The following TLL2 variants were observed in gnomAD, a reference collection of about 807,000 sequenced individuals.
TLL2 encodes the protein tolloid-like protein 2.
Under a neutral mutation model 123.0 loss-of-function variants are expected in TLL2, and 106 were observed. That is an observed-to-expected ratio of 0.86 (90% CI 0.74 to 1.01). The LOEUF (loss-of-function observed/expected upper bound fraction) is 1.01, where lower values mean the gene tolerates loss of function less well. Ranked by LOEUF, TLL2 falls within the 50% of genes least tolerant of loss-of-function variation. The pLI is 0.00. For missense variants in TLL2, 1,332 were observed against 1,336.7 expected, an observed-to-expected ratio of 1.00 and a Z score of 0.06; for synonymous variants, 494 against 516.8, an observed-to-expected ratio of 0.96 and a Z score of 0.60.
intron 7 of TLL2, among the ~76,000 whole-genome samples, chr10:96,413,679 T>C (rs955686147): frequency 2.0e-5 from 3 of 151,974 alleles, no homozygotes; most frequent in Non-Finnish European, 2.9e-5. Context: ...CAGCTGTGCA[T>C]TGGGAAGTAC....
At chr10:96,371,727 G>A (rs1481104964) in intron 19 of TLL2, among the ~76,000 whole-genome samples, 1 of 151,550 alleles carries the variant, frequency 6.6e-6, no homozygotes, top group Admixed American at 6.6e-5. Flanking sequence ...CCTGGGCCCC[G>A]TGAGACAGAC....
At chr10:96,472,303 C>T (rs1564914031) in intron 2 of TLL2, among the ~76,000 whole-genome samples, 1 of 152,150 alleles carries the variant, frequency 6.6e-6, no homozygotes, top group Non-Finnish European at 1.5e-5. Context: ...TCATAGGGAG[C>T]CCCCCACTGA....
chr10:96,457,781 C>T (rs1299427509), intron 2 of TLL2, among the ~76,000 whole-genome samples: 1 of 152,130 alleles, frequency 6.6e-6, no homozygotes, highest in East Asian at 1.9e-4. Context: ...CACAGCGGGA[C>T]ACCAGTTAAA....
At chr10:96,448,506 T>C (rs542376573) in intron 2 of TLL2, among the ~76,000 whole-genome samples, 2 of 152,178 alleles carry the variant, frequency 1.3e-5, no homozygotes, top group African/African-American at 4.8e-5. Context: ...AATGGGTTTG[T>C]TTGGGCATTC....
Position 96,476,240 on chromosome 10 carries a change from A to ATATATATATATATATATTTTTTTTT in TLL2, c.286+4108_286+4109insAAAAAAAAATATATATATATATATA. Among the ~76,000 whole-genome samples, 8 of 20,472 alleles carry ATATATATATATATATATTTTTTTTT rather than the reference A, an allele frequency of 3.9e-4. 1 individual carries two copies. Among genetic ancestry groups the ATATATATATATATATATTTTTTTTT allele is most frequent in the Non-Finnish European group, 5.0e-4 (5 of 10,010 alleles). 13.4% of individuals were successfully genotyped at this position (20,472 alleles called of 152,430 possible). A position where few individuals can be genotyped will look rare whatever the true frequency, so the allele number is the denominator to read the frequency against. ...TTTATATGTATATATATATATATAT[A>ATATATATATATATATATTTTTTTTT]TTTTATTTTTGTTGTTGTTGTTGTT... On this transcript the variant is annotated intron_variant, in intron 2 of 20. Coordinates refer to ENST00000357947, the MANE Select transcript of TLL2 (RefSeq NM_012465.4).
At chr10:96,441,780 G>A (rs1198801851) in intron 3 of TLL2, among the ~76,000 whole-genome samples, 1 of 152,146 alleles carries the variant, frequency 6.6e-6, no homozygotes, top group East Asian at 1.9e-4. Context: ...ATTTGAGACA[G>A]GCTAAAAAGG....
At chr10:96,465,667 C>A (rs1047580109) in intron 2 of TLL2, among the ~76,000 whole-genome samples, 1 of 152,138 alleles carries the variant, frequency 6.6e-6, no homozygotes, top group Admixed American at 6.5e-5. Context: ...GAATTAGGAC[C>A]CAAGGTGGTG....
intron 10 of TLL2, among the ~76,000 whole-genome samples, chr10:96,399,696 G>A (rs1846375454): frequency 6.6e-6 from 1 of 152,228 alleles, no homozygotes; most frequent in African/African-American, 2.4e-5. Flanking sequence ...TTACCAATGA[G>A]GACACGGAGC....
Position 96,368,106 on chromosome 10 carries a change from G to A in TLL2, c.3030C>T (p.Ala1010=). Reference sequence around the variant, plus strand: ...ATCAGCACTATTTCTTCATGTGCAGGGCATCCTGGAACTTGGTGCTGGTGT... The same window carrying A: ...ATCAGCACTATTTCTTCATGTGCAGAGCATCCTGGAACTTGGTGCTGGTGT... ...ARYTSTKFQD[A]LHMKK The change falls in exon 21 of 21, where the codon GCC becomes GCT. Residue 1010 remains alanine, a synonymous_variant. Transcript: ENST00000357947. The A allele has an allele frequency of 6.2e-7, 1 of 1,614,172 alleles. No homozygotes were observed. Among genetic ancestry groups the A allele is most frequent in the Non-Finnish European group, 8.5e-7 (1 of 1,180,026 alleles).
At chr10:96,433,728 T>G (rs1846767057) in intron 3 of TLL2, among the ~76,000 whole-genome samples, 1 of 152,026 alleles carries the variant, frequency 6.6e-6, no homozygotes, top group African/African-American at 2.4e-5. Context: ...GTTTTTATAC[T>G]TTTTCCCCTA....
At chr10:96,513,051 G>A (rs1847647234) in intron 1 of TLL2, among the ~76,000 whole-genome samples, 1 of 152,236 alleles carries the variant, frequency 6.6e-6, no homozygotes, top group Admixed American at 6.5e-5. Context: ...TCTCCCAAGA[G>A]TAACCACAGA....
intron 9 of TLL2, among the ~76,000 whole-genome samples, chr10:96,405,998 A>G (rs1846446041): frequency 2.0e-5 from 3 of 152,202 alleles, no homozygotes; most frequent in Non-Finnish European, 4.4e-5. Flanking sequence ...TGAGAACACT[A>G]TGGTATAAAC....
intron 2 of TLL2, among the ~76,000 whole-genome samples, chr10:96,448,773 G>A (rs963198748): frequency 6.6e-6 from 1 of 152,056 alleles, no homozygotes; most frequent in African/African-American, 2.4e-5. Flanking sequence ...GCTTGGCCGG[G>A]GGGAGGTGGG....
intron 13 of TLL2, among the ~76,000 whole-genome samples, chr10:96,387,940 A>T (rs1374244083): frequency 6.6e-6 from 1 of 152,190 alleles, no homozygotes; most frequent in African/African-American, 2.4e-5. Flanking sequence ...CCTGAAAGAG[A>T]GCATGTGGGA....
rs1846760073 is a variant in TLL2 at position 96,432,961 on chromosome 10, A to G, written c.366T>C (p.Asp122=). 2 of 1,612,728 alleles carry G rather than the reference A, an allele frequency of 1.2e-6. No individual in the cohort carries two copies. The highest frequency in any genetic ancestry group is 2.2e-5 in the South Asian group (2 of 90,882). ...GCAGGAGTGTGGTATTCTCCCGGCC[A>G]TCTGCAACACAGTCAGGTTAATATT... ...MDTGTKEAGK[D]GRENTTLLHS... The change falls in exon 4 of 21, where the codon GAT becomes GAC. Residue 122 remains aspartate (D), a splice_region_variant and synonymous_variant. Coordinates refer to ENST00000357947, the MANE Select transcript of TLL2 (RefSeq NM_012465.4).
At chr10:96,490,115 T>C (rs111492077) in intron 1 of TLL2, among the ~76,000 whole-genome samples, 163 of 151,568 alleles carry the variant, frequency 1.1e-3, no homozygotes, top group Admixed American at 2.6e-3. Flanking sequence ...ATAAAAACAA[T>C]TGGAAAAAAA....
intron 13 of TLL2, among the ~76,000 whole-genome samples, chr10:96,388,305 G>A (rs1253440672): frequency 1.3e-5 from 2 of 152,148 alleles, no homozygotes; most frequent in African/African-American, 4.8e-5. Context: ...GGAAGCTGAG[G>A]CAGGAGAATC....
intron 3 of TLL2, among the ~76,000 whole-genome samples, chr10:96,441,651 C>T (rs554719739): frequency 6.6e-6 from 1 of 152,296 alleles, no homozygotes; most frequent in South Asian, 2.1e-4. Flanking sequence ...GGACAAATCA[C>T]TTCCCCTTCG....
rs367838401 is a variant in TLL2, at chr10:96,509,874, G to A, written c.175+3637C>T. Among the ~76,000 whole-genome samples the A allele has an allele frequency of 5.9e-5, 9 of 152,360 alleles. No homozygotes were observed. In the East Asian group the frequency reaches 9.6e-4, roughly 16 times the overall value. ...AGGCAGGAGAATGGCGTGAACCCGG[G>A]AGGCGGAGCTTGCAGTGAGCCGAGA... On this transcript the variant is annotated intron_variant, in intron 1 of 20. Transcript: ENST00000357947.
Sources: gnomAD v4.1 joint callset for allele counts (sites outside exome capture counted in the v4.1 genomes callset) on GRCh38, gnomAD v4.1.1 for gene constraint, MANE v1.5 for transcripts, NCBI Gene and HGNC (gene_info 2026-07-23, HGNC 2026-07-21) for gene names.